The following NRG1 variants were observed in gnomAD, a reference collection of about 807,000 sequenced individuals.
NRG1 encodes pro-neuregulin-1, membrane-bound isoform.
Under a neutral mutation model 63.8 loss-of-function variants are expected in NRG1, and 18 were observed. The observed-to-expected ratio is 0.28, with a 90% CI of 0.19 to 0.42. The LOEUF (loss-of-function observed/expected upper bound fraction) is 0.42, where lower values mean the gene tolerates loss of function less well. NRG1 is among the 10% of genes least tolerant of loss of function. NRG1 has a pLI of 1.00. For synonymous variants in NRG1, 302 were observed against 301.3 expected (o/e 1.00, Z -0.02); for missense variants, 762 against 814.7 (o/e 0.94, Z 0.79).
intron 1 of NRG1, among the ~76,000 whole-genome samples, chr8:31,668,674 G>T (rs1290641556): frequency 6.6e-6 from 1 of 152,174 alleles, no homozygotes; most frequent in Non-Finnish European, 1.5e-5. Flanking sequence ...TAACCCTAAA[G>T]TCCTTTTTAT....
At chr8:32,682,605 A>G (rs1320378983) in intron 5 of NRG1, among the ~76,000 whole-genome samples, 1 of 152,196 alleles carries the variant, frequency 6.6e-6, no homozygotes, top group African/African-American at 2.4e-5. Context: ...GCCACTTGGA[A>G]TATCTCGAAC....
rs1276880652 is a variant in NRG1 at position 32,004,818 on chromosome 8, CAA to C, written c.37+365389_37+365390del. Among the ~76,000 whole-genome samples, 9 of 151,582 alleles carry C rather than the reference CAA, an allele frequency of 5.9e-5. No individual in the cohort carries two copies. In the East Asian group the frequency reaches 1.8e-3, roughly 30 times the overall value. On this transcript the variant is annotated intron_variant, in intron 1 of 10. Coordinates refer to the NRG1 transcript ENST00000519301. ...GGAAAAATGGGATGGAGAGTGTGAACAAAGTCATGATGAGACCTCACAGAGGC... is the reference window on the plus strand; with the variant it reads ...GGAAAAATGGGATGGAGAGTGTGAACAGTCATGATGAGACCTCACAGAGGC...
intron 5 of NRG1, among the ~76,000 whole-genome samples, chr8:32,700,608 G>A (rs1487719242): frequency 6.6e-6 from 1 of 151,992 alleles, no homozygotes; most frequent in Non-Finnish European, 1.5e-5. Context: ...TCCACTAGTC[G>A]ATATCTTGAG....
chr8:31,943,163 A>T (rs1392614035), intron 1 of NRG1, among the ~76,000 whole-genome samples: 3 of 152,172 alleles, frequency 2.0e-5, no homozygotes, highest in African/African-American at 7.2e-5. Context: ...TATGACAAAA[A>T]TATTTATATG....
chr8:32,217,830 T>C (rs962826908), intron 1 of NRG1, among the ~76,000 whole-genome samples: 1 of 152,144 alleles, frequency 6.6e-6, no homozygotes, highest in Non-Finnish European at 1.5e-5. Context: ...CCTGCCCCCA[T>C]GAAGTTTCAT....
intron 1 of NRG1, among the ~76,000 whole-genome samples, chr8:31,647,086 T>A (rs1804359192): frequency 6.6e-6 from 1 of 152,224 alleles, no homozygotes; most frequent in South Asian, 2.1e-4. Flanking sequence ...GCAGAACCAT[T>A]TGTAAACCAT....
In NRG1 at chr8:32,622,995, A is replaced by G. The variant is rs10086899; in HGVS notation, c.502+6110A>G. Among the ~76,000 whole-genome samples the G allele has an allele frequency of 5.9e-3, 903 of 152,382 alleles. 10 individuals carry two copies. Among genetic ancestry groups the G allele is most frequent in the African/African-American group, 0.021 (860 of 41,596 alleles). ...GACAGTTCTTTGCCAGGAAATCACTATGTCTTTTCAAAATATTATATATTC... is the reference window on the plus strand; with the variant it reads ...GACAGTTCTTTGCCAGGAAATCACTGTGTCTTTTCAAAATATTATATATTC... On this transcript the variant is annotated intron_variant, in intron 5 of 11. Coordinates refer to ENST00000356819, the Ensembl canonical transcript of NRG1.
chr8:32,407,306 A>AT (rs1814188341), intron 1 of NRG1, among the ~76,000 whole-genome samples: 1 of 14,680 alleles, frequency 6.8e-5, no homozygotes, highest in South Asian at 5.9e-3. Context: ...ATATATATAT[A>AT]TATATATATA....
intron 1 of NRG1, among the ~76,000 whole-genome samples, chr8:32,449,025 T>G (rs1820631313): frequency 6.6e-6 from 1 of 152,164 alleles, no homozygotes; most frequent in South Asian, 2.1e-4. Flanking sequence ...CCGGGCATGA[T>G]GGCTCACGCC....
In NRG1 at chr8:32,439,866, G is replaced by A. The variant is rs572167129; in HGVS notation, c.38-155962G>A. 2.9e-3 allele frequency among the ~76,000 whole-genome samples: 395 copies of A among 136,194 alleles called. 1 individual carries two copies. The highest frequency in any genetic ancestry group is 9.4e-3 in the African/African-American group (361 of 38,302). The allele number at this position is 136,194 out of a possible 152,430, so 89.3% of individuals were successfully genotyped here. On this transcript the variant is annotated intron_variant, in intron 1 of 10. Coordinates refer to the NRG1 transcript ENST00000519301. Reference sequence around the variant, plus strand: ...GCTTACTGCAGCCTTGATCTTCTGGGCTCAAGCAATCCTCATCCTCCCACC... The same window carrying A: ...GCTTACTGCAGCCTTGATCTTCTGGACTCAAGCAATCCTCATCCTCCCACC...
chr8:32,237,666 T>A (rs1847710705), intron 1 of NRG1, among the ~76,000 whole-genome samples: 1 of 152,172 alleles, frequency 6.6e-6, no homozygotes, highest in African/African-American at 2.4e-5. Flanking sequence ...CAATAAGCGC[T>A]GAGTTATGAG....
At chr8:32,542,938 T>G (rs745549603) in intron 1 of NRG1, among the ~76,000 whole-genome samples, 1 of 152,166 alleles carries the variant, frequency 6.6e-6, no homozygotes, top group Non-Finnish European at 1.5e-5. Flanking sequence ...ATGACAGGAC[T>G]TGGGGATGGG....
intron 1 of NRG1, among the ~76,000 whole-genome samples, chr8:32,153,904 C>T (rs1308015095): frequency 6.6e-6 from 1 of 152,178 alleles, no homozygotes; most frequent in Non-Finnish European, 1.5e-5. Context: ...TTCTAGGGAT[C>T]AAGTAACCAC....
At chr8:31,991,920 A>G (rs887653622) in intron 1 of NRG1, among the ~76,000 whole-genome samples, 9 of 151,996 alleles carry the variant, frequency 5.9e-5, no homozygotes, top group African/African-American at 1.9e-4. Flanking sequence ...ACTAACTAAT[A>G]CCTTTCCCTG....
At chr8:31,824,968 A>G (rs1022859564) in intron 1 of NRG1, among the ~76,000 whole-genome samples, 1 of 152,242 alleles carries the variant, frequency 6.6e-6, no homozygotes, top group African/African-American at 2.4e-5. Context: ...ATTTAGTTAT[A>G]TTGTATATGT....
intron 11 of NRG1, chr8:32,763,104 T>C: frequency 9.0e-7 from 1 of 1,110,278 alleles, no homozygotes; most frequent in Non-Finnish European, 1.3e-6. Flanking sequence ...GGATGGATAG[T>C]TCCAAATTGA....
At chr8:31,769,959 ATTC>A in intron 1 of NRG1, among the ~76,000 whole-genome samples, 1 of 152,314 alleles carries the variant, frequency 6.6e-6, no homozygotes, top group Admixed American at 6.5e-5. Flanking sequence ...GTTATGTCTT[ATTC>A]AGACATATTC....
chr8:32,491,667 T>C (rs1368738986), intron 1 of NRG1, among the ~76,000 whole-genome samples: 1 of 152,242 alleles, frequency 6.6e-6, no homozygotes, highest in African/African-American at 2.4e-5. Flanking sequence ...AGGAAAAAGC[T>C]GTTTTAGTTG....
chr8:32,674,700 T>C (rs906680040), intron 5 of NRG1, among the ~76,000 whole-genome samples: 31 of 152,200 alleles, frequency 2.0e-4, no homozygotes, highest in African/African-American at 7.0e-4. Context: ...ACACTTTACA[T>C]CTATAGTAGT....
Sources: allele counts gnomAD v4.1 joint callset (sites outside exome capture counted in the v4.1 genomes callset), GRCh38; gene constraint gnomAD v4.1.1; transcripts MANE v1.5; gene names NCBI Gene and HGNC (gene_info 2026-07-23, HGNC 2026-07-21).